Variants in RGS3 observed in about 807,000 individuals in gnomAD.
The protein encoded by RGS3 is regulator of G-protein signalling 3.
In RGS3, 80 loss-of-function variants were observed where a neutral mutation model predicts 132.6. The observed-to-expected ratio is 0.60, with a 90% CI of 0.50 to 0.73. The LOEUF (loss-of-function observed/expected upper bound fraction) is 0.73. RGS3 is among the 30% of genes least tolerant of loss of function. The pLI, the probability that RGS3 is intolerant of heterozygous loss-of-function variation, is 0.00. For synonymous variants in RGS3, 598 were observed against 620.6 expected (o/e 0.96, Z 0.54); for missense variants, 1,382 against 1,530.8 (o/e 0.90, Z 1.62).
intron 14 of RGS3, among the ~76,000 whole-genome samples, chr9:113,512,971 C>T (rs957622832): frequency 4.7e-4 from 72 of 151,972 alleles, no homozygotes; most frequent in African/African-American, 1.7e-3. Context: ...CTGAGGCGGG[C>T]GGATCACCTG....
intron 3 of RGS3, among the ~76,000 whole-genome samples, chr9:113,465,986 A>T (rs1226061455): frequency 6.6e-6 from 1 of 152,170 alleles, no homozygotes; most frequent in Non-Finnish European, 1.5e-5. Context: ...ATGAGCAAAG[A>T]TTCCTATCAG....
At chr9:113,512,079 A>T (rs1831429243) in intron 14 of RGS3, among the ~76,000 whole-genome samples, 2 of 152,172 alleles carry the variant, frequency 1.3e-5, no homozygotes, top group South Asian at 4.1e-4. Flanking sequence ...GGGGCAAGCG[A>T]GGCAGCAATC....
intron 3 of RGS3, among the ~76,000 whole-genome samples, chr9:113,467,200 T>G (rs1054086691): frequency 2.0e-5 from 3 of 152,246 alleles, no homozygotes; most frequent in African/African-American, 7.2e-5. Context: ...AGTTTTTGTG[T>G]GGACAAATGT....
At chr9:113,455,378 A>G (rs921971214), upstream of RGS3, among the ~76,000 whole-genome samples, 2 of 152,298 alleles carry the variant, frequency 1.3e-5, no homozygotes, top group East Asian at 3.9e-4. Flanking sequence ...CAAGTTGCTC[A>G]TTATCAGGCC....
chr9:113,577,685 G>A (rs1370160883), intron 19 of RGS3, among the ~76,000 whole-genome samples: 3 of 152,140 alleles, frequency 2.0e-5, no homozygotes, highest in Non-Finnish European at 4.4e-5. Flanking sequence ...TTCCTGGCCC[G>A]GGGCTTTGGC....
intron 17 of RGS3, among the ~76,000 whole-genome samples, chr9:113,527,368 A>G (rs1832260007): frequency 6.6e-6 from 1 of 152,152 alleles, no homozygotes; most frequent in South Asian, 2.1e-4. Context: ...CTTACTTGGC[A>G]CTAGGATCTG....
At chr9:113,539,583 C>T (rs1832819107) in intron 19 of RGS3, among the ~76,000 whole-genome samples, 1 of 152,170 alleles carries the variant, frequency 6.6e-6, no homozygotes, top group Non-Finnish European at 1.5e-5. Context: ...TGTGTTCTTT[C>T]TGTGGATGCT....
chr9:113,578,388 G>A (rs1261444385), intron 19 of RGS3, among the ~76,000 whole-genome samples: 1 of 152,190 alleles, frequency 6.6e-6, no homozygotes, highest in Non-Finnish European at 1.5e-5. Flanking sequence ...TATGGCTAAG[G>A]AAACTGAGGC....
intron 19 of RGS3, chr9:113,570,147 C>T (rs1834222645): frequency 6.6e-6 from 1 of 152,136 alleles, no homozygotes; most frequent in African/African-American, 2.4e-5. Flanking sequence ...GGTCTAGCCT[C>T]CTCGAGTTAA....
At chr9:113,593,235 G>C (rs563465208) in intron 21 of RGS3, among the ~76,000 whole-genome samples, 2 of 152,268 alleles carry the variant, frequency 1.3e-5, no homozygotes, top group African/African-American at 4.8e-5. Context: ...CATTAGACAG[G>C]GTGTCTAGGT....
At chr9:113,566,709 G>GATGCT (rs1834028167) in intron 19 of RGS3, among the ~76,000 whole-genome samples, 1 of 152,206 alleles carries the variant, frequency 6.6e-6, no homozygotes, top group Non-Finnish European at 1.5e-5. Flanking sequence ...GCCCCACAGC[G>GATGCT]ATGCTTGAAA....
rs75008942 is a variant in RGS3, at chr9:113,446,458, G to C, written c.-13+1531G>C. Among the ~76,000 whole-genome samples the C allele has an allele frequency of 9.5e-4, 145 of 152,254 alleles. 2 individuals are homozygous for C. The East Asian group carries it at 0.025, about 27-fold the overall frequency. Reference sequence around the variant, plus strand: ...GGTGGTGATATTACATTATGAAAATGACATGCTTTCCTTGACACCTTTCAA... The same window carrying C: ...GGTGGTGATATTACATTATGAAAATCACATGCTTTCCTTGACACCTTTCAA... On this transcript the variant is annotated intron_variant, in intron 1 of 25. Coordinates refer to the RGS3 transcript ENST00000374140.
intron 19 of RGS3, chr9:113,580,616 A>T: frequency 5.4e-6 from 1 of 185,548 alleles, no homozygotes; most frequent in Non-Finnish European, 1.0e-5. Context: ...GTATCTGAGC[A>T]CATAACCACT....
chr9:113,468,394 AT>A (rs949217161), intron 3 of RGS3, among the ~76,000 whole-genome samples: 1 of 152,158 alleles, frequency 6.6e-6, no homozygotes, highest in Admixed American at 6.5e-5. Context: ...TTTCAATTCT[AT>A]TCCATTGATC....
At chr9:113,536,798 G>C (rs1469832535) in exon 19 of RGS3, 2 of 1,613,350 alleles carry the variant, frequency 1.2e-6, no homozygotes, top group Admixed American at 3.3e-5. Context: ...GACGTCAGAA[G>C]GCAGAGTGCT....
chr9:113,587,892 G>T (rs534712556), intron 20 of RGS3, among the ~76,000 whole-genome samples: 20 of 152,314 alleles, frequency 1.3e-4, no homozygotes, highest in African/African-American at 4.8e-4. Context: ...GTCTCATGGT[G>T]CCCCCTGCCG....
At chr9:113,476,427 G>T (rs1046034438) in intron 3 of RGS3, among the ~76,000 whole-genome samples, 3 of 152,312 alleles carry the variant, frequency 2.0e-5, no homozygotes, top group Middle Eastern at 3.4e-3. Flanking sequence ...GTAGCATGAT[G>T]GGGGGAAGGA....
intron 19 of RGS3, among the ~76,000 whole-genome samples, chr9:113,571,578 T>C (rs866320821): frequency 6.6e-6 from 1 of 152,236 alleles, no homozygotes; most frequent in South Asian, 2.1e-4. Flanking sequence ...TTTTTTCTGA[T>C]TAACTTGTAG....
At chr9:113,447,245 G>A (rs1250393660) in intron 1 of RGS3, among the ~76,000 whole-genome samples, 1 of 128,486 alleles carries the variant, frequency 7.8e-6, no homozygotes, top group East Asian at 2.4e-4. Context: ...CTGGGCAACA[G>A]AGCAAGACTC....
Sources: gnomAD v4.1 joint callset for allele counts (sites outside exome capture counted in the v4.1 genomes callset) on GRCh38, gnomAD v4.1.1 for gene constraint, MANE v1.5 for transcripts, NCBI Gene and HGNC (gene_info 2026-07-23, HGNC 2026-07-21) for gene names.